The following CYFIP1 variants were observed in gnomAD, a reference collection of about 807,000 sequenced individuals.
CYFIP1 encodes cytoplasmic FMR1 interacting protein 1, also known as cytoplasmic FMR1-interacting protein 1.
A neutral mutation model predicts 163.5 loss-of-function variants in CYFIP1; 58 were observed. That is an observed-to-expected ratio of 0.35 (90% CI 0.29 to 0.44). The LOEUF (loss-of-function observed/expected upper bound fraction) is 0.44, where lower values mean the gene tolerates loss of function less well. Ranked by LOEUF, CYFIP1 falls within the 20% of genes least tolerant of loss-of-function variation. CYFIP1 has a pLI of 1.00. For missense variants in CYFIP1, 1,338 were observed against 1,653.8 expected (o/e 0.81, Z 3.31); for synonymous variants, 663 against 660.7 (o/e 1.00, Z -0.05).
At chr15:22,904,863 G>A (rs1040659811) in intron 21 of CYFIP1, 2 of 152,200 alleles carry the variant, frequency 1.3e-5, no homozygotes, top group Non-Finnish European at 1.5e-5. Flanking sequence ...GAAGTGCAGA[G>A]ATGCTCACAG....
intron 28 of CYFIP1, among the ~76,000 whole-genome samples, 179 bp downstream of exon 28, chr15:22,874,371 A>G (rs924263298): frequency 6.6e-5 from 10 of 152,194 alleles, no homozygotes; most frequent in Admixed American, 6.5e-5. Context: ...GCTCATCTGA[A>G]TCCTCCCACC....
chr15:22,890,416 C>T (rs1423460613), intron 23 of CYFIP1, among the ~76,000 whole-genome samples: 3 of 152,124 alleles, frequency 2.0e-5, no homozygotes, highest in East Asian at 1.9e-4. Flanking sequence ...CACAGGGCTT[C>T]GGGAAGTGAG....
Position 22,937,596 on chromosome 15 carries a change from C to CTTTTTTT in CYFIP1, c.796-395_796-389dup, listed in dbSNP as rs919893437. On this transcript the variant is annotated intron_variant, in intron 8 of 30. Transcript: ENST00000617928. ...TTTCGGTGTATGCAAACTAAAAATT[C>CTTTTTTT]TTTTTTTGTTTTTTTTTTTTGAGAT... Among the ~76,000 whole-genome samples the CTTTTTTT allele has an allele frequency of 1.0e-4, 15 of 143,742 alleles. 1 individual carries two copies. Among genetic ancestry groups the CTTTTTTT allele is most frequent in the Non-Finnish European group, 6.1e-5 (4 of 65,352 alleles). The allele number at this position is 143,742 out of a possible 152,430, so 94.3% of individuals were successfully genotyped here. A position where few individuals can be genotyped will look rare whatever the true frequency, so the allele number is the denominator to read the frequency against.
chr15:22,915,962 G>A (rs552907724), intron 16 of CYFIP1, among the ~76,000 whole-genome samples: 1 of 152,290 alleles, frequency 6.6e-6, no homozygotes, highest in Non-Finnish European at 1.5e-5. Flanking sequence ...CCCCAGCCAA[G>A]ACAGCAGGGA....
At chr15:22,875,552 C>T (rs934557010) in intron 26 of CYFIP1, 1 of 377,720 alleles carries the variant, frequency 2.6e-6, no homozygotes, top group Non-Finnish European at 5.0e-6. Flanking sequence ...TAAATATAGA[C>T]ACAGGTAAGA....
intron 16 of CYFIP1, among the ~76,000 whole-genome samples, chr15:22,916,125 C>T (rs1215207937): frequency 6.6e-6 from 1 of 152,184 alleles, no homozygotes; most frequent in African/African-American, 2.4e-5. Context: ...CGCCACCTTC[C>T]CCCCACGTCA....
chr15:22,961,678 G>A lies in CYFIP1; in HGVS notation c.-6-14387C>T, dbSNP rs552150523. Among the ~76,000 whole-genome samples, 364 of 152,178 alleles carry A rather than the reference G, an allele frequency of 2.4e-3. 7 individuals carry two copies. The highest frequency in any genetic ancestry group is 8.3e-3 in the African/African-American group (345 of 41,520). Reference sequence around the variant, plus strand: ...TTACAGGAACGAGCCACTTCCCCCTGCCTGTTTTTCTTCATTTGTAACTTG... The same window carrying A: ...TTACAGGAACGAGCCACTTCCCCCTACCTGTTTTTCTTCATTTGTAACTTG... On this transcript the variant is annotated intron_variant, in intron 1 of 30. Transcript: ENST00000617928.
chr15:22,919,194 A>G (rs1176347953), intron 13 of CYFIP1, among the ~76,000 whole-genome samples: 3 of 152,198 alleles, frequency 2.0e-5, no homozygotes, highest in African/African-American at 7.2e-5. Flanking sequence ...ATATTACTAG[A>G]AAAAGAAGTT....
At chr15:22,893,041 GAAGTCCTCCATAATCCATCTACT>G in intron 22 of CYFIP1, 64 bp from the exon 23 acceptor site, 2 of 1,227,566 alleles carry the variant, frequency 1.6e-6, no homozygotes, top group Non-Finnish European at 2.4e-6. Context: ...TTAAAATTCA[GAAGTCCTCCATAATCCATCTACT>G]AAATCTTCCT....
Position 22,909,285 on chromosome 15 carries a change from C to T in CYFIP1, c.2297G>A (p.Arg766His), listed in dbSNP as rs911120602. 6 of 1,613,982 alleles carry T rather than the reference C, an allele frequency of 3.7e-6. No individual in the cohort carries two copies. The highest frequency in any genetic ancestry group is 5.1e-6 in the Non-Finnish European group (6 of 1,180,012). Residue 766 changes from arginine (R) to histidine (H), a missense_variant, in exon 21 of 31, where the codon CGT becomes CAT. Coordinates refer to ENST00000617928, the MANE Select transcript of CYFIP1 (RefSeq NM_014608.6). The part of the protein sequence containing the change: ...QLLGRSIDLN[R>H]LITQRVSAAM... ...TGCTGAGACGCGCTGGGTGATCAGA[C>T]GATTGAGGTCTATTGATCTGCCGAG...
Position 22,939,512 on chromosome 15 carries a change from G to C in CYFIP1, c.570-5C>G. On this transcript the variant is annotated splice_polypyrimidine_tract_variant and splice_region_variant and intron_variant, in intron 6 of 30. Transcript: ENST00000617928. ...TTACGTAAAAACTGAGCGGCCCTTT[G>C]AAAACAAAAAGAATTCATCCCAAAA... 1 of 1,227,552 alleles carries C rather than the reference G, an allele frequency of 8.1e-7. No individual in the cohort carries two copies. The allele number at this position is 1,227,552 out of a possible 1,614,324, so 76.0% of individuals were successfully genotyped here.
chr15:22,931,709 A>AAAAAAAAAAAAAAAC, intron 11 of CYFIP1, among the ~76,000 whole-genome samples: 1 of 149,080 alleles, frequency 6.7e-6, no homozygotes, highest in Non-Finnish European at 1.5e-5. Context: ...AAAAAAAAAA[A>AAAAAAAAAAAAAAAC]AGCTTTTTGT....
intron 12 of CYFIP1, 47 bp from the exon 13 acceptor site, chr15:22,926,154 G>A (rs557533668): frequency 3.4e-5 from 54 of 1,610,956 alleles, no homozygotes; most frequent in South Asian, 2.2e-4. Flanking sequence ...CATGCAAAAC[G>A]CCTGGCTTCT....
intron 23 of CYFIP1, among the ~76,000 whole-genome samples, chr15:22,891,702 C>A (rs540563250): frequency 1.3e-5 from 2 of 152,358 alleles, no homozygotes; most frequent in Non-Finnish European, 2.9e-5. Flanking sequence ...GGGTGTTTGC[C>A]GTTTCCCAGG....
chr15:22,950,764 G>A (rs1021656286), intron 1 of CYFIP1, among the ~76,000 whole-genome samples: 5 of 152,204 alleles, frequency 3.3e-5, no homozygotes, highest in African/African-American at 9.6e-5. Flanking sequence ...CCACACAGTA[G>A]CCGGCTGGGT....
rs1378017700 is a variant in CYFIP1 at position 22,917,338 on chromosome 15, CG to C, written c.1674+449del. On this transcript the variant is annotated intron_variant, in intron 15 of 30. Coordinates refer to ENST00000617928, the MANE Select transcript of CYFIP1 (RefSeq NM_014608.6). The surrounding 1 kb of genome is among the most constrained non-coding windows in gnomAD (Gnocchi z 4.2). ...GGTGTGAAAGTCGTGAGAAGCACCT[CG>C]GGGAGGCCTGAACACACCAGGAGAG... 3.9e-6 allele frequency: 5 copies of C among 1,284,540 alleles called. No homozygotes were observed. The African/African-American group carries it at 6.0e-5, about 15-fold the overall frequency. 79.6% of individuals were successfully genotyped at this position (1,284,540 alleles called of 1,614,324 possible).
chr15:22,916,779 T>C (rs2061000318), intron 15 of CYFIP1, 149 bp from the exon 16 acceptor site: 1 of 1,594,716 alleles, frequency 6.3e-7, no homozygotes, highest in Non-Finnish European at 8.6e-7. Flanking sequence ...TCCGGGTGCC[T>C]GTCTACGCGG....
chr15:22,904,020 A>G, intron 21 of CYFIP1, 115 bp from the exon 22 acceptor site: 1 of 952,056 alleles, frequency 1.1e-6, no homozygotes, highest in South Asian at 1.5e-5. Flanking sequence ...GCACGGAGGC[A>G]GCCCCCAGTG....
intron 1 of CYFIP1, among the ~76,000 whole-genome samples, chr15:22,973,191 G>A (rs976540429): frequency 5.9e-5 from 9 of 151,852 alleles, no homozygotes; most frequent in African/African-American, 2.2e-4. Flanking sequence ...GTGCACACCT[G>A]TAGTGCCAGG....
Sources: allele counts gnomAD v4.1 joint callset (sites outside exome capture counted in the v4.1 genomes callset), GRCh38; gene constraint gnomAD v4.1.1; non-coding constraint Gnocchi (gnomAD v3.1); transcripts MANE v1.5; gene names NCBI Gene and HGNC (gene_info 2026-07-23, HGNC 2026-07-21).